LRP1B: variants seen among roughly 807,000 people sequenced by gnomAD.
The protein encoded by LRP1B is low-density lipoprotein receptor-related protein 1B.
Under a neutral mutation model 556.6 loss-of-function variants are expected in LRP1B, and 217 were observed. The observed-to-expected ratio is 0.39, with a 90% CI of 0.35 to 0.44. The LOEUF (loss-of-function observed/expected upper bound fraction) is 0.44, where lower values mean the gene tolerates loss of function less well. Among genes scored for constraint, LRP1B ranks in the 20% least tolerant of loss-of-function variants. The pLI is 1.00. For synonymous variants in LRP1B, 2,047 were observed against 1,865.8 expected (o/e 1.10, Z -2.50); for missense variants, 5,053 against 5,620.8 (o/e 0.90, Z 3.23).
intron 9 of LRP1B, among the ~76,000 whole-genome samples, chr2:141,055,802 A>ATGTGTGTGTGTGTGTGTGTGTGTG (rs10664722): frequency 2.1e-5 from 3 of 145,548 alleles, no homozygotes; most frequent in East Asian, 4.1e-4. Flanking sequence ...TTACCACAAA[A>ATGTGTGTGTGTGTGTGTGTGTGTG]TGTGTGTGTG....
chr2:141,776,474 T>C (rs181925546), intron 2 of LRP1B, among the ~76,000 whole-genome samples: 51 of 152,348 alleles, frequency 3.3e-4, no homozygotes, highest in African/African-American at 1.1e-3. Context: ...TGGATGTTAT[T>C]CCATGGCCTC....
chr2:140,450,783 T>C (rs1686853646), intron 62 of LRP1B, 122 bp from the exon 63 acceptor site: 2 of 638,700 alleles, frequency 3.1e-6, no homozygotes, highest in Non-Finnish European at 2.7e-6. Context: ...AATGGTGATT[T>C]TGGAAAATTC....
At chr2:141,884,468 T>C (rs1341841533) in intron 1 of LRP1B, among the ~76,000 whole-genome samples, 1 of 152,148 alleles carries the variant, frequency 6.6e-6, no homozygotes, top group East Asian at 1.9e-4. Flanking sequence ...TAGGACATAT[T>C]AGGAAGTATT....
At chr2:141,098,935 T>C (rs1226265833) in intron 7 of LRP1B, among the ~76,000 whole-genome samples, 1 of 152,206 alleles carries the variant, frequency 6.6e-6, no homozygotes, top group Non-Finnish European at 1.5e-5. Flanking sequence ...CGGATTACAA[T>C]TAATATTTTT....
At chr2:140,728,192 T>C (rs2105490847) in intron 35 of LRP1B, among the ~76,000 whole-genome samples, 1 of 152,286 alleles carries the variant, frequency 6.6e-6, no homozygotes, top group Admixed American at 6.5e-5. Flanking sequence ...TTGAACTCTT[T>C]CCTATCAAGG....
intron 27 of LRP1B, among the ~76,000 whole-genome samples, chr2:140,862,449 C>T (rs1222006057): frequency 6.6e-6 from 1 of 152,184 alleles, no homozygotes; most frequent in African/African-American, 2.4e-5. Flanking sequence ...GCCCACAAGT[C>T]CTCAAATATT....
chr2:142,000,671 A>G lies in LRP1B; in HGVS notation c.82+129977T>C, dbSNP rs189571622. 4.6e-5 allele frequency among the ~76,000 whole-genome samples: 7 copies of G among 152,282 alleles called. No homozygotes were observed. In the South Asian group the frequency reaches 8.3e-4, roughly 18 times the overall value. On this transcript the variant is annotated intron_variant, in intron 1 of 90. Transcript: ENST00000389484. ...AACAATAGTATCTAAACACAGTCAT[A>G]ATGCTTACTTTTTGCCAGAAACAGT... is the stretch of plus-strand genomic sequence containing the variant.
chr2:140,464,635 G>A (rs1687467778), intron 60 of LRP1B, among the ~76,000 whole-genome samples: 1 of 152,192 alleles, frequency 6.6e-6, no homozygotes, highest in Admixed American at 6.5e-5. Context: ...TCATGCACTT[G>A]GTAAAGTATA....
intron 66 of LRP1B, among the ~76,000 whole-genome samples, chr2:140,391,695 CT>C (rs1296038498): frequency 6.6e-6 from 1 of 151,990 alleles, no homozygotes; most frequent in Admixed American, 6.6e-5. Flanking sequence ...AACAAACTTC[CT>C]TAGAGCCTCA....
At chr2:140,946,017 A>C (rs1456387186) in intron 20 of LRP1B, among the ~76,000 whole-genome samples, 1 of 152,202 alleles carries the variant, frequency 6.6e-6, no homozygotes, top group Non-Finnish European at 1.5e-5. Flanking sequence ...AATAAGAAAA[A>C]AACAAGTTCA....
At chr2:141,972,696 G>A (rs1701777983) in intron 1 of LRP1B, among the ~76,000 whole-genome samples, 1 of 151,536 alleles carries the variant, frequency 6.6e-6, no homozygotes, top group African/African-American at 2.4e-5. Context: ...CTCGAAGCAC[G>A]ATTGTTTCCT....
chr2:141,568,882 C>T (rs1986821), intron 2 of LRP1B, among the ~76,000 whole-genome samples: 58,014 of 149,792 alleles, frequency 0.39, 12,690 homozygotes, highest in East Asian at 0.55. Flanking sequence ...GCCTCCTGAG[C>T]ATCTGGGATC....
At chr2:141,307,930 C>A (rs1317849275) in intron 3 of LRP1B, among the ~76,000 whole-genome samples, 1 of 152,080 alleles carries the variant, frequency 6.6e-6, no homozygotes, top group African/African-American at 2.4e-5. Flanking sequence ...CTCTGGCTCC[C>A]AAGTGCTTTG....
intron 1 of LRP1B, among the ~76,000 whole-genome samples, chr2:142,096,294 C>G (rs1345943161): frequency 6.6e-6 from 1 of 151,656 alleles, no homozygotes; most frequent in Non-Finnish European, 1.5e-5. Flanking sequence ...AGATAACAAT[C>G]TCTTCATTTT....
At chr2:141,725,721 T>C (rs1693004423) in intron 2 of LRP1B, among the ~76,000 whole-genome samples, 1 of 151,866 alleles carries the variant, frequency 6.6e-6, no homozygotes, top group South Asian at 2.1e-4. Context: ...ATCGTTATTT[T>C]ACTTTGAAGA....
intron 23 of LRP1B, among the ~76,000 whole-genome samples, chr2:140,891,283 A>G (rs930628506): frequency 3.9e-5 from 6 of 152,112 alleles, no homozygotes; most frequent in African/African-American, 1.4e-4. Flanking sequence ...CCCACTACAG[A>G]TTTGCAGAAT....
intron 1 of LRP1B, among the ~76,000 whole-genome samples, chr2:142,006,662 G>A (rs969496455): frequency 1.3e-5 from 2 of 152,140 alleles, no homozygotes; most frequent in Non-Finnish European, 2.9e-5. Flanking sequence ...TGAAAGGTTT[G>A]GTTAAATATA....
chr2:140,334,613 ACT>A, intron 78 of LRP1B, 54 bp from the exon 79 acceptor site: 1 of 972,412 alleles, frequency 1.0e-6, no homozygotes, highest in Non-Finnish European at 1.5e-6. Flanking sequence ...CTATAACCAG[ACT>A]CTGCTCCGCA....
intron 2 of LRP1B, among the ~76,000 whole-genome samples, chr2:141,627,364 T>C (rs1688736484): frequency 6.6e-6 from 1 of 152,216 alleles, no homozygotes; most frequent in African/African-American, 2.4e-5. Flanking sequence ...CAGTGGAAGA[T>C]AATATCATTT....
Sources: gnomAD v4.1 joint callset for allele counts (sites outside exome capture counted in the v4.1 genomes callset) on GRCh38, gnomAD v4.1.1 for gene constraint, MANE v1.5 for transcripts, NCBI Gene and HGNC (gene_info 2026-07-23, HGNC 2026-07-21) for gene names.